Variants in GRM1 observed in about 807,000 individuals in gnomAD.
GRM1 encodes the protein glutamate metabotropic receptor 1.
Under a neutral mutation model 90.9 loss-of-function variants are expected in GRM1, and 33 were observed. The ratio of observed to expected loss-of-function variants is 0.36; its 90% CI spans 0.28 to 0.49. The LOEUF (loss-of-function observed/expected upper bound fraction) is 0.49. Among genes scored for constraint, GRM1 ranks in the 20% least tolerant of loss-of-function variants. The pLI is 0.99. For synonymous variants in GRM1, 700 were observed against 613.2 expected (o/e 1.14, Z -2.09); for missense variants, 1,190 against 1,534.3 (o/e 0.78, Z 3.75).
chr6:146,135,436 G>A (rs1310695636), intron 1 of GRM1, among the ~76,000 whole-genome samples: 1 of 152,222 alleles, frequency 6.6e-6, no homozygotes, highest in Non-Finnish European at 1.5e-5. Context: ...GATGTGAAGT[G>A]GTGTGGAATG....
At chr6:146,268,624 C>T (rs190187469) in intron 2 of GRM1, among the ~76,000 whole-genome samples, 203 of 152,258 alleles carry the variant, frequency 1.3e-3, no homozygotes, top group Non-Finnish European at 2.0e-3. Flanking sequence ...TAAAATCATC[C>T]TTGACCACCA....
At chr6:146,300,902 T>C (rs1783354989) in intron 2 of GRM1, among the ~76,000 whole-genome samples, 1 of 152,162 alleles carries the variant, frequency 6.6e-6, no homozygotes, top group Non-Finnish European at 1.5e-5. Flanking sequence ...TCAGAGAAAA[T>C]TCATCAAAAC....
chr6:146,043,489 C>A (rs926598204), intron 1 of GRM1, among the ~76,000 whole-genome samples: 2 of 151,884 alleles, frequency 1.3e-5, no homozygotes, highest in Non-Finnish European at 2.9e-5. Context: ...CTGCTTAATG[C>A]AACTTGTATA....
intron 1 of GRM1, among the ~76,000 whole-genome samples, chr6:146,098,701 T>C (rs9485043): frequency 0.99 from 150,007 of 151,986 alleles, 74,029 homozygotes; most frequent in East Asian, 1. Flanking sequence ...GGGAGGGACT[T>C]GGTGGGAGGT....
intron 2 of GRM1, among the ~76,000 whole-genome samples, chr6:146,233,288 G>A (rs1044471481): frequency 6.6e-6 from 1 of 152,080 alleles, no homozygotes; most frequent in African/African-American, 2.4e-5. Context: ...CCAGTAGTAT[G>A]CTAGGTTCAA....
rs571529666 is a variant in GRM1, at chr6:146,424,733, G to A, written c.2661-9139G>A. ...GTGCCAATTGAACAGGCCACATACA[G>A]ACATTCCTCAAAAGTAGAGTTAATT... On this transcript the variant is annotated intron_variant, in intron 7 of 7. Coordinates refer to ENST00000282753, the MANE Select transcript of GRM1 (RefSeq NM_001278064.2). Among the ~76,000 whole-genome samples the A allele has an allele frequency of 3.3e-5, 5 of 152,290 alleles. No homozygotes were observed. In the South Asian group the frequency reaches 1.0e-3, roughly 32 times the overall value.
intron 2 of GRM1, among the ~76,000 whole-genome samples, chr6:146,240,527 G>A (rs923232452): frequency 6.6e-6 from 1 of 152,088 alleles, no homozygotes; most frequent in Admixed American, 6.6e-5. Context: ...AGCCTGGCAG[G>A]AAGGGAGCCA....
At chr6:146,110,313 A>T (rs138328292) in intron 1 of GRM1, among the ~76,000 whole-genome samples, 19 of 152,228 alleles carry the variant, frequency 1.2e-4, no homozygotes, top group African/African-American at 3.9e-4. Flanking sequence ...TGTTCTCATG[A>T]TAGTGAATGA....
Position 146,029,722 on chromosome 6 carries a change from G to A in GRM1, c.205G>A (p.Glu69Lys), listed in dbSNP as rs751246579. The change falls in exon 1 of 8, where the codon GAG becomes AAG. Residue 69 changes from glutamate (E) to lysine (K), a missense_variant. This residue lies in a region of GRM1 where 25 missense variants were observed against 65.9 expected (regional missense o/e 0.38). Coordinates refer to ENST00000282753, the MANE Select transcript of GRM1 (RefSeq NM_001278064.2). Reference protein sequence around the residue: ...AEKVPERKCGEIREQYGIQRV... With the variant: ...AEKVPERKCGKIREQYGIQRV... The stretch of plus-strand genomic sequence containing the variant: ...GAAAGTGCCCGAGAGGAAGTGTGGG[G>A]AGATCAGGGAGCAGTATGGCATCCA... 6.2e-7 allele frequency: 1 copy of A among 1,614,110 alleles called. No homozygotes were observed.
intron 1 of GRM1, among the ~76,000 whole-genome samples, chr6:146,136,502 G>C (rs1776626802): frequency 6.6e-6 from 1 of 152,120 alleles, no homozygotes; most frequent in Non-Finnish European, 1.5e-5. Flanking sequence ...TTGTAGTTTT[G>C]ACTTGAATTT....
intron 1 of GRM1, among the ~76,000 whole-genome samples, chr6:146,056,288 G>C (rs73576928): frequency 0.012 from 1,786 of 152,254 alleles, 31 homozygotes; most frequent in African/African-American, 0.041. Context: ...ACCTGAGTGA[G>C]TGGGAACTGG....
intron 5 of GRM1, among the ~76,000 whole-genome samples, chr6:146,369,682 T>C (rs1015443706): frequency 3.9e-5 from 6 of 152,098 alleles, no homozygotes; most frequent in African/African-American, 1.2e-4. Context: ...TCTGAAAAGA[T>C]GTATGATATA....
chr6:146,071,580 T>A (rs2128858705), intron 1 of GRM1, among the ~76,000 whole-genome samples: 1 of 152,280 alleles, frequency 6.6e-6, no homozygotes, highest in Non-Finnish European at 1.5e-5. Context: ...CATGAAGCAT[T>A]ACTAAAATCT....
intron 1 of GRM1, among the ~76,000 whole-genome samples, chr6:146,067,839 C>T (rs1775898419): frequency 1.3e-5 from 2 of 152,006 alleles, no homozygotes; most frequent in African/African-American, 4.8e-5. Context: ...AATAGTTTCC[C>T]AAACCTGATA....
chr6:146,159,207 T>G (rs1777623462), intron 1 of GRM1, 141 bp from the exon 2 acceptor site: 1 of 936,924 alleles, frequency 1.1e-6, no homozygotes, highest in African/African-American at 1.6e-5. Flanking sequence ...CATCCAGATC[T>G]TCCGTCAGTC....
At chr6:146,259,236 G>A (rs955310143) in intron 2 of GRM1, among the ~76,000 whole-genome samples, 1 of 152,098 alleles carries the variant, frequency 6.6e-6, no homozygotes, top group African/African-American at 2.4e-5. Flanking sequence ...ATCTAGGATG[G>A]TGGCCTGATC....
chr6:146,434,214 C>A lies in GRM1; in HGVS notation c.3003C>A (p.Pro1001=). 2 of 1,609,220 alleles carry A rather than the reference C, an allele frequency of 1.2e-6. No homozygotes were observed. The highest frequency in any genetic ancestry group is 1.7e-6 in the Non-Finnish European group (2 of 1,176,500). Residue 1001 remains proline, a synonymous_variant, in exon 8 of 8, where the codon CCC becomes CCA. Transcript: ENST00000282753. ...CCCACCTGACCGCAGAGGAGACCCC[C>A]CTCTTCCTGGCCGAACCAGCCCTCC... ...LPSHLTAEET[P]LFLAEPALPK... is the part of the protein sequence containing the mutation.
At chr6:146,073,559 C>T (rs897982659) in intron 1 of GRM1, among the ~76,000 whole-genome samples, 3 of 152,056 alleles carry the variant, frequency 2.0e-5, no homozygotes, top group Admixed American at 6.6e-5. Context: ...AATTTTAAAA[C>T]TTTTAAGTAT....
At chr6:146,204,043 T>C (rs1042559985) in intron 2 of GRM1, among the ~76,000 whole-genome samples, 1 of 152,228 alleles carries the variant, frequency 6.6e-6, no homozygotes, top group African/African-American at 2.4e-5. Flanking sequence ...ATAATGTTCT[T>C]ATTGAGTGTT....
Sources: gnomAD v4.1 joint callset for allele counts (sites outside exome capture counted in the v4.1 genomes callset) on GRCh38, gnomAD v4.1.1 for gene constraint, gnomAD v4.1.1 regional missense constraint, MANE v1.5 for transcripts, NCBI Gene and HGNC (gene_info 2026-07-23, HGNC 2026-07-21) for gene names.